The following QKI variants were observed in gnomAD, a reference collection of about 807,000 sequenced individuals.
The protein encoded by QKI is QKI, KH domain containing RNA binding, also known as KH domain-containing RNA-binding protein QKI.
In QKI, 10 loss-of-function variants were observed where a neutral mutation model predicts 39.0. The ratio of observed to expected loss-of-function variants is 0.26; its 90% CI spans 0.16 to 0.43. QKI has a LOEUF of 0.43. Among genes scored for constraint, QKI ranks in the 20% least tolerant of loss-of-function variants. QKI has a pLI of 1.00. For synonymous variants in QKI, 204 were observed against 155.4 expected (o/e 1.31, Z -2.33); for missense variants, 218 against 428.0 (o/e 0.51, Z 4.33).
chr6:163,462,612 T>G (rs1583031016), intron 2 of QKI, among the ~76,000 whole-genome samples: 1 of 152,204 alleles, frequency 6.6e-6, no homozygotes, highest in East Asian at 1.9e-4. Context: ...AACAAAACTC[T>G]TAAAATTTGA....
In QKI at chr6:163,550,940, C is replaced by CT. The variant is rs534354605; in HGVS notation, c.547-11041dup. On this transcript the variant is annotated intron_variant, in intron 4 of 7. Coordinates refer to ENST00000361752, the MANE Select transcript of QKI (RefSeq NM_006775.3). ...TCTGCCTGGGCGACAGAGCAAGACT[C>CT]TGTCTCACAAAAAAAAAAAAAAGCT... is the stretch of plus-strand genomic sequence containing the variant. Among the ~76,000 whole-genome samples, 399 of 88,230 alleles carry CT rather than the reference C, an allele frequency of 4.5e-3. 2 individuals are homozygous for CT. Among genetic ancestry groups the CT allele is most frequent in the African/African-American group, 0.02 (380 of 19,090 alleles). 57.9% of individuals were successfully genotyped at this position (88,230 alleles called of 152,430 possible). A position where few individuals can be genotyped will look rare whatever the true frequency, so the allele number is the denominator to read the frequency against.
chr6:163,509,142 AG>A (rs1779281956), intron 3 of QKI, among the ~76,000 whole-genome samples: 1 of 151,832 alleles, frequency 6.6e-6, no homozygotes, highest in Non-Finnish European at 1.5e-5. Context: ...CGTCTCAGTC[AG>A]TCAGTCAATC....
At chr6:163,438,857 TTAACATACTA>T (rs1218255297) in intron 1 of QKI, among the ~76,000 whole-genome samples, 1 of 152,150 alleles carries the variant, frequency 6.6e-6, no homozygotes, top group Admixed American at 6.5e-5. Flanking sequence ...TAAATTAACC[TTAACATACTA>T]TAACTTTATA....
chr6:163,557,097 A>G (rs1341438744), intron 4 of QKI, among the ~76,000 whole-genome samples: 1 of 152,246 alleles, frequency 6.6e-6, no homozygotes, highest in African/African-American at 2.4e-5. Context: ...TGTCTGTAGC[A>G]GAAGAATAGA....
intron 2 of QKI, among the ~76,000 whole-genome samples, chr6:163,459,396 A>G (rs973586338): frequency 6.6e-6 from 1 of 152,104 alleles, no homozygotes; most frequent in Admixed American, 6.6e-5. Context: ...GAGTCCAGGG[A>G]TACTGTTAAA....
chr6:163,535,212 G>C, intron 4 of QKI, 87 bp downstream of exon 4: 1 of 1,278,462 alleles, frequency 7.8e-7, no homozygotes, highest in East Asian at 2.6e-5. Flanking sequence ...ATAAGGAATA[G>C]GTTATTGGTT....
chr6:163,499,629 A>G (rs912641474), intron 3 of QKI, among the ~76,000 whole-genome samples: 58 of 152,306 alleles, frequency 3.8e-4, no homozygotes, highest in African/African-American at 1.3e-3. Context: ...CAATGTTTCC[A>G]GTATCTTCTG....
intron 2 of QKI, 74 bp from the exon 3 acceptor site, chr6:163,478,706 T>C: frequency 3.2e-6 from 3 of 947,062 alleles, no homozygotes; most frequent in Non-Finnish European, 4.9e-6. Flanking sequence ...TAAATGTAGA[T>C]ATACTTTATA....
intron 2 of QKI, among the ~76,000 whole-genome samples, chr6:163,467,249 A>G (rs1337875988): frequency 6.6e-6 from 1 of 152,222 alleles, no homozygotes; most frequent in African/African-American, 2.4e-5. Flanking sequence ...TAACCATTTC[A>G]CAATGTATAC....
At chr6:163,440,039 T>G (rs538293677) in intron 1 of QKI, among the ~76,000 whole-genome samples, 103 of 152,340 alleles carry the variant, frequency 6.8e-4, no homozygotes, top group African/African-American at 2.2e-3. Context: ...CATTCCACTT[T>G]TAATTTGAAT....
chr6:163,565,032 G>T, intron 6 of QKI: 1 of 1,145,396 alleles, frequency 8.7e-7, no homozygotes, highest in Non-Finnish European at 1.1e-6. Context: ...CTGTGTGTGT[G>T]CATGCACTCA....
chr6:163,479,441 G>A (rs979655113), intron 3 of QKI, among the ~76,000 whole-genome samples: 1 of 152,106 alleles, frequency 6.6e-6, no homozygotes, highest in African/African-American at 2.4e-5. Context: ...GTGCAATCTT[G>A]GCTCACTGCA....
At chr6:163,421,399 A>G (rs189526162) in intron 1 of QKI, among the ~76,000 whole-genome samples, 3 of 152,280 alleles carry the variant, frequency 2.0e-5, no homozygotes, top group Admixed American at 2.0e-4. Context: ...GCTCTTGGAA[A>G]ATTTTGGCAT....
chr6:163,569,497 A>C, intron 7 of QKI: 1 of 1,270,404 alleles, frequency 7.9e-7, no homozygotes, highest in Non-Finnish European at 1.0e-6. Flanking sequence ...GAAATAATTA[A>C]GCTGTTGAAT....
At chr6:163,431,623 G>A (rs1027753678) in intron 1 of QKI, among the ~76,000 whole-genome samples, 1 of 152,000 alleles carries the variant, frequency 6.6e-6, no homozygotes, top group African/African-American at 2.4e-5. Flanking sequence ...TGTGAGATCT[G>A]TCAGTAACAC....
intron 3 of QKI, among the ~76,000 whole-genome samples, chr6:163,513,038 A>C (rs182938892): frequency 1.3e-5 from 2 of 152,126 alleles, no homozygotes; most frequent in Non-Finnish European, 2.9e-5. Context: ...CATTCACACA[A>C]CTTTCATTAC....
intron 1 of QKI, among the ~76,000 whole-genome samples, chr6:163,442,183 G>T (rs1387769499): frequency 6.6e-6 from 1 of 151,976 alleles, no homozygotes; most frequent in Non-Finnish European, 1.5e-5. Context: ...TTAAAAGATT[G>T]CAAAAGTATA....
intron 1 of QKI, among the ~76,000 whole-genome samples, chr6:163,433,681 C>A (rs977236758): frequency 1.3e-5 from 2 of 151,906 alleles, no homozygotes; most frequent in African/African-American, 4.8e-5. Context: ...GTGGGAGAAT[C>A]GCTTGAACCT....
intron 6 of QKI, chr6:163,564,023 C>A: frequency 8.5e-7 from 1 of 1,183,338 alleles, no homozygotes; most frequent in South Asian, 3.3e-5. Flanking sequence ...GTTTTAGGTC[C>A]CACCCCATTG....
Sources: allele counts gnomAD v4.1 joint callset (sites outside exome capture counted in the v4.1 genomes callset), GRCh38; gene constraint gnomAD v4.1.1; transcripts MANE v1.5; gene names NCBI Gene and HGNC (gene_info 2026-07-23, HGNC 2026-07-21).